The following BICRAL variants were observed in gnomAD, a reference collection of about 807,000 sequenced individuals.
The protein encoded by BICRAL is BICRA like chromatin remodeling complex associated protein.
A neutral mutation model predicts 91.8 loss-of-function variants in BICRAL; 8 were observed. The ratio of observed to expected loss-of-function variants is 0.09; its 90% CI spans 0.05 to 0.16. BICRAL has a LOEUF of 0.16. Ranked by LOEUF, BICRAL falls within the 10% of genes least tolerant of loss-of-function variation. The pLI is 1.00. For synonymous variants in BICRAL, 445 were observed against 491.1 expected (o/e 0.91, Z 1.24); for missense variants, 1,038 against 1,310.9 (o/e 0.79, Z 3.21).
chr6:42,751,223 C>G (rs1051680101), intron 1 of BICRAL, among the ~76,000 whole-genome samples: 1 of 151,970 alleles, frequency 6.6e-6, no homozygotes, highest in Admixed American at 6.6e-5. Flanking sequence ...CCCTCCAACC[C>G]CAAGGTCCTG....
chr6:42,777,786 T>C (rs1762826231), upstream of BICRAL, among the ~76,000 whole-genome samples: 1 of 152,246 alleles, frequency 6.6e-6, no homozygotes, highest in Admixed American at 6.5e-5. Flanking sequence ...ATCCTCTTTT[T>C]TTTTACTGTC....
At chr6:42,788,748 T>C (rs1407054376) in intron 1 of BICRAL, among the ~76,000 whole-genome samples, 2 of 152,194 alleles carry the variant, frequency 1.3e-5, no homozygotes, top group African/African-American at 2.4e-5. Flanking sequence ...TCAGGAAAGA[T>C]GGACACTTCA....
chr6:42,800,793 G>C (rs1228215816), intron 1 of BICRAL, among the ~76,000 whole-genome samples: 1 of 152,030 alleles, frequency 6.6e-6, no homozygotes, highest in African/African-American at 2.4e-5. Flanking sequence ...CATTGACTTT[G>C]TAAAATGGAA....
At chr6:42,841,576 T>G (rs1278824180) in intron 6 of BICRAL, among the ~76,000 whole-genome samples, 2 of 152,148 alleles carry the variant, frequency 1.3e-5, no homozygotes, top group Admixed American at 6.6e-5. Flanking sequence ...GCCTTCCTTA[T>G]GTGGAACCGT....
Position 42,825,960 on chromosome 6 carries a change from G to A in BICRAL, c.160-2533G>A, listed in dbSNP as rs990141683. The stretch of plus-strand genomic sequence containing the variant: ...TAGCTGGGCGTGGTGGTGGGCACCT[G>A]TAATCCCAGCTACTTGGGTGGCTGA... On this transcript the variant is annotated intron_variant, in intron 5 of 12. Transcript: ENST00000314073. Among the ~76,000 whole-genome samples the A allele has an allele frequency of 5.7e-4, 87 of 152,032 alleles. 1 individual carries two copies. Among genetic ancestry groups the A allele is most frequent in the Admixed American group, 3.9e-4 (6 of 15,256 alleles).
intron 6 of BICRAL, among the ~76,000 whole-genome samples, chr6:42,851,146 C>G (rs923764975): frequency 6.6e-6 from 1 of 152,168 alleles, no homozygotes; most frequent in African/African-American, 2.4e-5. Flanking sequence ...GATCGTGCCA[C>G]TGCACTCCAG....
chr6:42,835,079 T>C (rs1764600559), intron 6 of BICRAL, among the ~76,000 whole-genome samples: 1 of 152,136 alleles, frequency 6.6e-6, no homozygotes, highest in African/African-American at 2.4e-5. Context: ...TCCAAGTCTC[T>C]CTCTTTTCCA....
At chr6:42,781,596 G>GTGTGTGT (rs1562457230), upstream of BICRAL, among the ~76,000 whole-genome samples, 19 of 103,490 alleles carry the variant, frequency 1.8e-4, 1 homozygote, top group Admixed American at 1.2e-3. Context: ...TGGGTGGGTG[G>GTGTGTGT]GTGTGTGTGT....
At chr6:42,783,716 TTCC>T (rs1245744440) in intron 1 of BICRAL, among the ~76,000 whole-genome samples, 2 of 152,344 alleles carry the variant, frequency 1.3e-5, no homozygotes, top group South Asian at 2.1e-4. Context: ...GGCCAGCTTC[TTCC>T]TCCTAACCAC....
chr6:42,858,993 C>T (rs1765472014), intron 10 of BICRAL, among the ~76,000 whole-genome samples: 1 of 152,060 alleles, frequency 6.6e-6, no homozygotes. Flanking sequence ...AGTCTTACTC[C>T]TCCTGGCAGG....
At chr6:42,814,412 TATAC>T (rs946650993) in intron 2 of BICRAL, among the ~76,000 whole-genome samples, 14 of 145,260 alleles carry the variant, frequency 9.6e-5, no homozygotes, top group South Asian at 8.6e-4. Flanking sequence ...AACACACATG[TATAC>T]ATACATATAT....
intron 7 of BICRAL, 165 bp downstream of exon 7, chr6:42,852,362 A>C (rs1227988842): frequency 2.8e-6 from 2 of 702,016 alleles, no homozygotes; most frequent in African/African-American, 1.8e-5. Flanking sequence ...GTGTTGCATC[A>C]ACTCTAAGAT....
Position 42,867,829 on chromosome 6 carries a change from T to A in BICRAL, c.*2383T>A, listed in dbSNP as rs1765756234. ...AAAATGAAACTTGTAAATTTTTGTG[T>A]CATTGTATGTAAGTTTACTTTTTAT... On this transcript the variant is annotated 3_prime_UTR_variant, in exon 13 of 13. Transcript: ENST00000314073. The A allele has an allele frequency of 6.6e-6, 1 of 152,202 alleles. No individual in the cohort carries two copies. The highest frequency in any genetic ancestry group is 6.6e-5 in the Admixed American group (1 of 15,260). The allele number at this position is 152,202 out of a possible 1,614,324, so 9.4% of individuals were successfully genotyped here.
At chr6:42,854,083 CTCT>C (rs1313653291) in intron 8 of BICRAL, among the ~76,000 whole-genome samples, 2 of 152,186 alleles carry the variant, frequency 1.3e-5, no homozygotes, top group Admixed American at 6.5e-5. Flanking sequence ...CAAAGCGAAT[CTCT>C]TCTTCTTAGT....
At chr6:42,767,271 C>CT (rs756267403) in intron 1 of BICRAL, among the ~76,000 whole-genome samples, 28 of 151,834 alleles carry the variant, frequency 1.8e-4, no homozygotes, top group Non-Finnish European at 3.2e-4. Context: ...AATTCCAGTG[C>CT]TTTTTTTTGT....
chr6:42,841,260 C>T (rs1204216960), intron 6 of BICRAL, among the ~76,000 whole-genome samples: 2 of 140,158 alleles, frequency 1.4e-5, no homozygotes, highest in African/African-American at 2.7e-5. Flanking sequence ...ACGATCTTGG[C>T]TCACTGCAAC....
intron 1 of BICRAL, among the ~76,000 whole-genome samples, chr6:42,747,585 C>T (rs16896053): frequency 0.15 from 23,232 of 152,182 alleles, 1,883 homozygotes; most frequent in South Asian, 0.23. Flanking sequence ...AGTATTTCTC[C>T]GCTGAGAGCA....
At chr6:42,781,770 T>C (rs1461059214), upstream of BICRAL, 4 of 146,934 alleles carry the variant, frequency 2.7e-5, no homozygotes, top group East Asian at 7.8e-4. Flanking sequence ...CCTTGCAGCT[T>C]GATTTTCCAA....
At chr6:42,815,509 G>T (rs950564408) in intron 2 of BICRAL, among the ~76,000 whole-genome samples, 1 of 151,858 alleles carries the variant, frequency 6.6e-6, no homozygotes, top group Non-Finnish European at 1.5e-5. Flanking sequence ...TCTTAAATAG[G>T]CAAAACTGAT....
Sources: allele counts gnomAD v4.1 joint callset (sites outside exome capture counted in the v4.1 genomes callset), GRCh38; gene constraint gnomAD v4.1.1; transcripts MANE v1.5; gene names NCBI Gene and HGNC (gene_info 2026-07-23, HGNC 2026-07-21).